The following PCSK6 variants were observed in gnomAD, a reference collection of about 807,000 sequenced individuals.
PCSK6 encodes paired basic amino acid cleaving enzyme 4.
PCSK6 carries 85 observed loss-of-function variants against 123.3 expected under a neutral mutation model. The observed-to-expected ratio is 0.69, with a 90% CI of 0.58 to 0.83. PCSK6 has a LOEUF of 0.83. Among genes scored for constraint, PCSK6 ranks in the 40% least tolerant of loss-of-function variants. PCSK6 has a pLI of 0.00. For synonymous variants in PCSK6, 508 were observed against 516.0 expected (o/e 0.98, Z 0.21); for missense variants, 1,191 against 1,282.3 (o/e 0.93, Z 1.09).
chr15:101,360,032 C>T lies in PCSK6; in HGVS notation c.1858+6164G>A, dbSNP rs377200823. ...TTCCAGATCTAGGAAACTAGGACTC[C>T]ATTCTTCTACTGTGCAGGACAAAAA... On this transcript the variant is annotated intron_variant, in intron 13 of 21. Transcript: ENST00000611716. Among the ~76,000 whole-genome samples the T allele has an allele frequency of 2.8e-4, 42 of 152,284 alleles. No individual in the cohort carries two copies. In the East Asian group the frequency reaches 4.8e-3, roughly 17 times the overall value.
intron 13 of PCSK6, among the ~76,000 whole-genome samples, chr15:101,354,969 A>C (rs1332119197): frequency 6.6e-6 from 1 of 152,250 alleles, no homozygotes; most frequent in Admixed American, 6.5e-5. Flanking sequence ...CAGCGAGATA[A>C]AATAGCACCC....
chr15:101,336,182 C>T (rs894890182), intron 13 of PCSK6, among the ~76,000 whole-genome samples: 3 of 152,178 alleles, frequency 2.0e-5, no homozygotes, highest in Non-Finnish European at 2.9e-5. Flanking sequence ...TGGCTTTGCC[C>T]CTGCTAGCAA....
At chr15:101,306,497 C>T (rs2039727337) in intron 21 of PCSK6, among the ~76,000 whole-genome samples, 1 of 152,154 alleles carries the variant, frequency 6.6e-6, no homozygotes, top group African/African-American at 2.4e-5. Flanking sequence ...GAGAGCCTTC[C>T]TCTCCTGGCT....
intron 13 of PCSK6, among the ~76,000 whole-genome samples, chr15:101,339,910 AATATATAT>A (rs113117643): frequency 1.1e-4 from 16 of 146,950 alleles, no homozygotes; most frequent in African/African-American, 1.7e-4. Flanking sequence ...ACCCTTTCTC[AATATATAT>A]ATATATATAT....
chr15:101,453,700 C>T (rs1487483852), intron 1 of PCSK6, among the ~76,000 whole-genome samples: 1 of 152,186 alleles, frequency 6.6e-6, no homozygotes, highest in African/African-American at 2.4e-5. Flanking sequence ...AAGTGGGGAT[C>T]GAGACATTTG....
intron 13 of PCSK6, among the ~76,000 whole-genome samples, chr15:101,338,951 T>C (rs1210000388): frequency 1.4e-4 from 22 of 152,258 alleles, no homozygotes; most frequent in Admixed American, 1.4e-3. Context: ...CAATGCAGTA[T>C]TTCCCCTCAA....
chr15:101,474,441 C>G (rs1410359458), intron 1 of PCSK6, among the ~76,000 whole-genome samples: 1 of 152,186 alleles, frequency 6.6e-6, no homozygotes, highest in African/African-American at 2.4e-5. Context: ...GCGCAGCCTG[C>G]CTGACCCATC....
intron 1 of PCSK6, among the ~76,000 whole-genome samples, chr15:101,443,937 G>A (rs1391914211): frequency 1.3e-5 from 2 of 152,202 alleles, no homozygotes; most frequent in African/African-American, 4.8e-5. Flanking sequence ...ATCATTTAAA[G>A]TTTGGACTAT....
chr15:101,436,349 C>A (rs147670087), intron 2 of PCSK6, among the ~76,000 whole-genome samples: 1 of 152,218 alleles, frequency 6.6e-6, no homozygotes, highest in Non-Finnish European at 1.5e-5. Flanking sequence ...CTTTGAAGTA[C>A]GCACCGGCAG....
intron 13 of PCSK6, chr15:101,337,329 T>TA (rs2040505057): frequency 6.6e-6 from 1 of 152,224 alleles, no homozygotes; most frequent in Admixed American, 6.5e-5. Context: ...AATGCTTTTT[T>TA]CACTTTCTCA....
intron 13 of PCSK6, among the ~76,000 whole-genome samples, chr15:101,353,001 C>A (rs1286205467): frequency 6.6e-6 from 1 of 152,230 alleles, no homozygotes; most frequent in Non-Finnish European, 1.5e-5. Flanking sequence ...GAAGACAATT[C>A]TTCCACAGCT....
At chr15:101,392,715 G>C (rs1940006325) in intron 8 of PCSK6, among the ~76,000 whole-genome samples, 1 of 151,174 alleles carries the variant, frequency 6.6e-6, no homozygotes, top group Non-Finnish European at 1.5e-5. Flanking sequence ...TAAGTAAGCG[G>C]AACAGACAGA....
chr15:101,346,944 A>G, intron 13 of PCSK6: 1 of 1,231,656 alleles, frequency 8.1e-7, no homozygotes, highest in Non-Finnish European at 1.0e-6. Context: ...AGTTTTGGGG[A>G]AAGGCGTCAC....
chr15:101,356,639 C>G (rs910976849), intron 13 of PCSK6, among the ~76,000 whole-genome samples: 1 of 151,544 alleles, frequency 6.6e-6, no homozygotes, highest in African/African-American at 2.4e-5. Context: ...GAGATTGCGC[C>G]GTTGCACTCC....
intron 7 of PCSK6, among the ~76,000 whole-genome samples, chr15:101,396,511 A>AC (rs2042417467): frequency 1.3e-5 from 2 of 151,558 alleles, no homozygotes; most frequent in South Asian, 4.2e-4. Context: ...CAGCTTACCC[A>AC]CCCTCTCCGA....
intron 13 of PCSK6, among the ~76,000 whole-genome samples, chr15:101,357,482 C>T (rs1400436932): frequency 6.6e-6 from 1 of 152,240 alleles, no homozygotes; most frequent in Non-Finnish European, 1.5e-5. Context: ...TCTTCTCTGT[C>T]ACCTTCCCAG....
intron 9 of PCSK6, among the ~76,000 whole-genome samples, chr15:101,387,360 G>T (rs2042093734): frequency 1.3e-5 from 2 of 152,200 alleles, no homozygotes; most frequent in African/African-American, 4.8e-5. Context: ...AGTTACTGCT[G>T]TGTGTCAGCA....
intron 2 of PCSK6, among the ~76,000 whole-genome samples, chr15:101,437,723 G>A (rs967017508): frequency 1.8e-4 from 27 of 152,186 alleles, no homozygotes; most frequent in African/African-American, 6.5e-4. Context: ...TCATTTGTAA[G>A]TTAGTTCTTA....
intron 7 of PCSK6, among the ~76,000 whole-genome samples, chr15:101,394,076 A>C (rs2042321494): frequency 6.7e-6 from 1 of 150,110 alleles, no homozygotes; most frequent in South Asian, 2.1e-4. Flanking sequence ...GGGTGGTCTG[A>C]TTTATATCAC....
Sources: allele counts gnomAD v4.1 joint callset (sites outside exome capture counted in the v4.1 genomes callset), GRCh38; gene constraint gnomAD v4.1.1; transcripts MANE v1.5; gene names NCBI Gene and HGNC (gene_info 2026-07-23, HGNC 2026-07-21).